DDX46: variants seen among roughly 807,000 people sequenced by gnomAD.
DDX46 encodes the protein DEAD-box helicase 46.
A neutral mutation model predicts 134.9 loss-of-function variants in DDX46; 30 were observed. The observed-to-expected ratio is 0.22, with a 90% confidence interval of 0.17 to 0.30. DDX46 has a LOEUF of 0.30. DDX46 is among the 10% of genes least tolerant of loss of function. The pLI, the probability that DDX46 is intolerant of heterozygous loss-of-function variation, is 1.00. For missense variants in DDX46, 622 were observed against 1,248.7 expected, an observed-to-expected ratio of 0.50 and a Z score of 7.56; for synonymous variants, 415 against 404.1, an observed-to-expected ratio of 1.03 and a Z score of -0.32.
At chr5:134,781,443 C>G (rs975431477) in intron 7 of DDX46, among the ~76,000 whole-genome samples, 197 bp downstream of exon 7, 73 of 151,960 alleles carry the variant, frequency 4.8e-4, no homozygotes, top group African/African-American at 1.6e-3. Context: ...GTCTTCATTC[C>G]TAACTGTATG....
intron 3 of DDX46, among the ~76,000 whole-genome samples, chr5:134,769,631 C>T (rs1366916324): frequency 6.6e-6 from 1 of 151,202 alleles, no homozygotes; most frequent in East Asian, 1.9e-4. Context: ...ACCTCCGCCT[C>T]CCGAGTTCAA....
intron 15 of DDX46, among the ~76,000 whole-genome samples, chr5:134,798,839 A>G (rs1029381077): frequency 2.0e-5 from 3 of 152,198 alleles, no homozygotes; most frequent in African/African-American, 7.2e-5. Flanking sequence ...CTAATATTCC[A>G]TTGTATGTAT....
At chr5:134,824,480 CGAGAGGCTGAGTACCT>C (rs1755536996) in intron 21 of DDX46, among the ~76,000 whole-genome samples, 1 of 151,806 alleles carries the variant, frequency 6.6e-6, no homozygotes, top group Admixed American at 6.6e-5. Context: ...CCCAGCTACT[CGAGAGGCTGAGTACCT>C]TGGAAACAGA....
At chr5:134,796,223 A>G in intron 15 of DDX46, 73 bp downstream of exon 15, 1 of 1,508,808 alleles carries the variant, frequency 6.6e-7, no homozygotes, top group Non-Finnish European at 9.0e-7. Flanking sequence ...GTTCTCGATG[A>G]TACTTACTTT....
intron 1 of DDX46, among the ~76,000 whole-genome samples, chr5:134,762,262 A>C (rs1430817728): frequency 6.6e-6 from 1 of 151,472 alleles, no homozygotes; most frequent in African/African-American, 2.4e-5. Flanking sequence ...AAAAAAAAAA[A>C]AAAAAAATTG....
chr5:134,790,259 C>T, intron 12 of DDX46: 1 of 628,966 alleles, frequency 1.6e-6, no homozygotes, highest in Non-Finnish European at 2.9e-6. Flanking sequence ...TAAAGGGCCT[C>T]ATATACCCAT....
chr5:134,781,938 A>G lies in DDX46; in HGVS notation c.897A>G (p.Glu299=). ...AACTATAGTATTCTTCAGAGGAGGA[A>G]GAAGTTGATCTTCAGACAGCCCTTA... ...QDAMEYSSEE[E]EVDLQTALTG... Residue 299 remains glutamate, a synonymous_variant, in exon 8 of 23, where the codon GAA becomes GAG. Transcript: ENST00000452510. 1 of 1,606,712 alleles carries G rather than the reference A, an allele frequency of 6.2e-7. No individual in the cohort carries two copies. Among genetic ancestry groups the G allele is most frequent in the Non-Finnish European group, 8.5e-7 (1 of 1,178,420 alleles).
At chr5:134,768,036 T>A (rs1239071585) in intron 3 of DDX46, among the ~76,000 whole-genome samples, 4 of 151,490 alleles carry the variant, frequency 2.6e-5, no homozygotes, top group African/African-American at 9.7e-5. Flanking sequence ...GTGAACCATG[T>A]AAAGAGCCCA....
chr5:134,766,137 C>T (rs185043060), intron 2 of DDX46, among the ~76,000 whole-genome samples: 1 of 152,164 alleles, frequency 6.6e-6, no homozygotes, highest in Admixed American at 6.6e-5. Flanking sequence ...TTTAGTAGAC[C>T]CATTATGCCC....
At chr5:134,765,076 AT>A (rs138925701) in intron 2 of DDX46, among the ~76,000 whole-genome samples, 8 of 136,916 alleles carry the variant, frequency 5.8e-5, no homozygotes, top group Non-Finnish European at 9.6e-5. Flanking sequence ...TTTTTAATTT[AT>A]TTTTTTTTTG....
chr5:134,760,295 C>G (rs1238627828), intron 1 of DDX46, among the ~76,000 whole-genome samples: 1 of 152,088 alleles, frequency 6.6e-6, no homozygotes, highest in African/African-American at 2.4e-5. Context: ...GGCCTGTGCT[C>G]TAGGTTTGTT....
chr5:134,817,400 C>G, intron 19 of DDX46, 96 bp from the exon 20 acceptor site: 4 of 1,225,300 alleles, frequency 3.3e-6, no homozygotes, highest in East Asian at 2.5e-5. Context: ...AACTTGCATA[C>G]AAAGTTAGTA....
At chr5:134,822,067 T>C (rs1001180730) in intron 21 of DDX46, among the ~76,000 whole-genome samples, 5 of 151,676 alleles carry the variant, frequency 3.3e-5, no homozygotes, top group African/African-American at 9.7e-5. Flanking sequence ...TTAGTAGAGA[T>C]GGAGTTTCAC....
intron 14 of DDX46, 82 bp from the exon 15 acceptor site, chr5:134,795,906 C>G: frequency 1.6e-6 from 2 of 1,269,834 alleles, no homozygotes; most frequent in Non-Finnish European, 2.2e-6. Flanking sequence ...CATTCATTCA[C>G]TACAAATAAA....
chr5:134,776,134 G>A (rs1047319942), intron 5 of DDX46, among the ~76,000 whole-genome samples: 9 of 152,198 alleles, frequency 5.9e-5, no homozygotes, highest in Non-Finnish European at 1.0e-4. Flanking sequence ...GTGCATGCCT[G>A]TAATCCCAGC....
chr5:134,774,913 G>A (rs973219048), intron 5 of DDX46, among the ~76,000 whole-genome samples: 2 of 151,762 alleles, frequency 1.3e-5, no homozygotes, highest in Non-Finnish European at 2.9e-5. Context: ...TGCAGTCTCC[G>A]CCTCCCAGGT....
intron 21 of DDX46, among the ~76,000 whole-genome samples, chr5:134,824,567 G>A (rs891320869): frequency 9.2e-5 from 14 of 151,952 alleles, no homozygotes; most frequent in African/African-American, 2.9e-4. Flanking sequence ...CAAAAACAGC[G>A]AAACTCTGTC....
At chr5:134,809,731 G>A (rs926426327) in intron 16 of DDX46, among the ~76,000 whole-genome samples, 2 of 152,096 alleles carry the variant, frequency 1.3e-5, no homozygotes, top group South Asian at 2.1e-4. Context: ...ACAGTTGGCC[G>A]GGCGCGGTGG....
intron 5 of DDX46, among the ~76,000 whole-genome samples, chr5:134,776,249 G>T (rs1307698249): frequency 6.6e-6 from 1 of 152,028 alleles, no homozygotes; most frequent in Non-Finnish European, 1.5e-5. Context: ...AATTAGCTTG[G>T]TGTGGTGGCG....
Sources: gnomAD v4.1 joint callset for allele counts (sites outside exome capture counted in the v4.1 genomes callset) on GRCh38, gnomAD v4.1.1 for gene constraint, MANE v1.5 for transcripts, NCBI Gene and HGNC (gene_info 2026-07-23, HGNC 2026-07-21) for gene names.